L3MBTL2: variants seen among roughly 807,000 people sequenced by gnomAD.
The protein encoded by L3MBTL2 is L3MBTL histone methyl-lysine binding protein 2.
In L3MBTL2, 49 loss-of-function variants were observed where a neutral mutation model predicts 86.4. The observed-to-expected ratio is 0.57, with a 90% confidence interval of 0.45 to 0.72. The LOEUF (loss-of-function observed/expected upper bound fraction) is 0.72, where lower values mean the gene tolerates loss of function less well. Ranked by LOEUF, L3MBTL2 falls within the 30% of genes least tolerant of loss-of-function variation. The probability of loss-of-function intolerance (pLI) is 0.00; values close to 1 mark genes in which losing one functional copy is unlikely to be tolerated. For synonymous variants in L3MBTL2, 336 were observed against 350.6 expected, an observed-to-expected ratio of 0.96 and a Z score of 0.47; for missense variants, 755 against 923.7, an observed-to-expected ratio of 0.82 and a Z score of 2.37.
At position 41,227,567 on chromosome 22, in the gene L3MBTL2, G is replaced by C. The variant is rs1452287338; in HGVS notation, c.1823-237G>C. ...CTCTGTCATATGTTCGTGCCCTTGT[G>C]CACCCAGGTAAACTACCCAGGTCCC... On this transcript the variant is annotated intron_variant, in intron 14 of 16. Transcript: ENST00000216237. The surrounding 1 kb of genome is among the most constrained non-coding windows in gnomAD (Gnocchi z 6.0). The C allele has an allele frequency of 1.9e-6, 3 of 1,546,736 alleles. No individual in the cohort carries two copies. The Admixed American group carries it at 5.9e-5, about 30-fold the overall frequency.
At chr22:41,229,255 C>CA (rs1273017723) in intron 15 of L3MBTL2, among the ~76,000 whole-genome samples, 3 of 152,078 alleles carry the variant, frequency 2.0e-5, no homozygotes, top group African/African-American at 4.8e-5. Flanking sequence ...AGACCCTCTT[C>CA]AAAAAATCTT....
At chr22:41,208,138 T>C (rs1225530702) in intron 1 of L3MBTL2, among the ~76,000 whole-genome samples, 1 of 151,606 alleles carries the variant, frequency 6.6e-6, no homozygotes, top group Non-Finnish European at 1.5e-5. Flanking sequence ...AGCTTTTTTT[T>C]CTTTTTCTTT....
intron 1 of L3MBTL2, among the ~76,000 whole-genome samples, chr22:41,206,804 C>CT (rs1286424907): frequency 6.8e-6 from 1 of 148,002 alleles, no homozygotes. Flanking sequence ...GAGACTGTGT[C>CT]TCAAAAAAAA....
Position 41,224,684 on chromosome 22 carries a change from A to G in L3MBTL2, c.1175-41A>G. On this transcript the variant is annotated intron_variant, in intron 9 of 16. Coordinates refer to ENST00000216237, the MANE Select transcript of L3MBTL2 (RefSeq NM_031488.5). The surrounding 1 kb of genome is among the most constrained non-coding windows in gnomAD (Gnocchi z 4.9). ...GGAGATGGCCCAGGAGCCGCCTCCA[A>G]CTCCCTTCTCTCCCTCATTCCCTAT... The G allele has an allele frequency of 2.6e-6, 4 of 1,524,928 alleles. No homozygotes were observed. The highest frequency in any genetic ancestry group is 3.6e-6 in the Non-Finnish European group (4 of 1,099,462). The allele number at this position is 1,524,928 out of a possible 1,614,324, so 94.5% of individuals were successfully genotyped here.
chr22:41,223,399 G>A (rs1021453774), intron 8 of L3MBTL2, among the ~76,000 whole-genome samples: 4 of 152,236 alleles, frequency 2.6e-5, no homozygotes, highest in Non-Finnish European at 4.4e-5. Context: ...ATGGCTCTCT[G>A]TAGAGCAGCT....
At position 41,217,231 on chromosome 22, in the gene L3MBTL2, G is replaced by T. The variant is rs369344098; in HGVS notation, c.600+29G>T. Reference sequence around the variant, plus strand: ...AGTGCCCTGGAGCTGAGGGAGGGAGGCCGGGGAGCCGGGCCTGGAGCTGCT... The same window carrying T: ...AGTGCCCTGGAGCTGAGGGAGGGAGTCCGGGGAGCCGGGCCTGGAGCTGCT... On this transcript the variant is annotated intron_variant, in intron 5 of 16. Transcript: ENST00000216237. 20 of 1,561,448 alleles carry T rather than the reference G, an allele frequency of 1.3e-5. No individual in the cohort carries two copies. In the African/African-American group the frequency reaches 2.0e-4, roughly 16 times the overall value.
Position 41,229,663 on chromosome 22 carries a change from G to A in L3MBTL2, c.2005+7G>A. 6.2e-7 allele frequency: 1 copy of A among 1,613,282 alleles called. No individual in the cohort carries two copies. The highest frequency in any genetic ancestry group is 8.5e-7 in the Non-Finnish European group (1 of 1,180,012). On this transcript the variant is annotated splice_region_variant and intron_variant, in intron 16 of 16. Coordinates refer to ENST00000216237, the MANE Select transcript of L3MBTL2 (RefSeq NM_031488.5). ...GAGCCTGTTCCTGGCGAGAGTAAGA[G>A]CCACCGGGCTGGGTCAAGGCAGGAC...
chr22:41,207,322 C>T (rs2030314453), intron 1 of L3MBTL2, among the ~76,000 whole-genome samples: 1 of 147,030 alleles, frequency 6.8e-6, no homozygotes, highest in Non-Finnish European at 1.5e-5. Context: ...TAGCTAACTG[C>T]AGCCTTGACC....
Position 41,226,667 on chromosome 22 carries a change from G to A in L3MBTL2, c.1510G>A (p.Glu504Lys). Residue 504 changes from glutamate (E) to lysine (K), a missense_variant, in exon 13 of 17, where the codon GAG becomes AAG. Glu to Lys is a moderately conservative substitution (Grantham distance 56). Transcript: ENST00000216237. ...TGAGCTTTCTGCTCCTCCAGGTTAT[G>A]AGGCACAGACTTTCAACTGGGAGAA... Reference protein sequence around the residue: ...DIELTPPKGYEAQTFNWENYL... With the variant: ...DIELTPPKGYKAQTFNWENYL... 2.5e-6 allele frequency: 4 copies of A among 1,612,972 alleles called. No individual in the cohort carries two copies. Among genetic ancestry groups the A allele is most frequent in the Non-Finnish European group, 3.4e-6 (4 of 1,178,960 alleles).
chr22:41,208,730 A>G (rs560737707), intron 1 of L3MBTL2, among the ~76,000 whole-genome samples: 1 of 152,122 alleles, frequency 6.6e-6, no homozygotes, highest in Admixed American at 6.6e-5. Context: ...TTTGATGTAT[A>G]TTGAACGGGG....
At chr22:41,219,360 C>A in intron 5 of L3MBTL2, 59 bp from the exon 6 acceptor site, 1 of 1,297,338 alleles carries the variant, frequency 7.7e-7, no homozygotes, top group Non-Finnish European at 1.1e-6. Context: ...GTGAGGCAGT[C>A]TGTCTCCCCT....
In L3MBTL2 at chr22:41,220,726, C is replaced by A; in HGVS notation, c.719-8C>A. The stretch of plus-strand genomic sequence containing the variant: ...CTCCCTCACAGGTGCCCTTTCCTTT[C>A]CTTTCAGGGTATCGGGTGCTGCTTC... On this transcript the variant is annotated splice_region_variant and splice_polypyrimidine_tract_variant and intron_variant, in intron 6 of 16. Coordinates refer to ENST00000216237, the MANE Select transcript of L3MBTL2 (RefSeq NM_031488.5). 6.2e-7 allele frequency: 1 copy of A among 1,608,612 alleles called. No individual in the cohort carries two copies. The highest frequency in any genetic ancestry group is 8.5e-7 in the Non-Finnish European group (1 of 1,176,138).
At chr22:41,207,758 T>G (rs188898469) in intron 1 of L3MBTL2, among the ~76,000 whole-genome samples, 2 of 152,164 alleles carry the variant, frequency 1.3e-5, no homozygotes, top group African/African-American at 4.8e-5. Flanking sequence ...AGTGCAGCCT[T>G]GACCTCCCAG....
rs2032062868 is a variant in L3MBTL2 at position 41,224,693 on chromosome 22, T to G, written c.1175-32T>G. On this transcript the variant is annotated intron_variant, in intron 9 of 16. Coordinates refer to ENST00000216237, the MANE Select transcript of L3MBTL2 (RefSeq NM_031488.5). The surrounding 1 kb of genome is among the most constrained non-coding windows in gnomAD (Gnocchi z 4.9). ...CCAGGAGCCGCCTCCAACTCCCTTCTCTCCCTCATTCCCTATCCATCTCCT... is the reference window on the plus strand; with the variant it reads ...CCAGGAGCCGCCTCCAACTCCCTTCGCTCCCTCATTCCCTATCCATCTCCT... 6.4e-7 allele frequency: 1 copy of G among 1,571,496 alleles called. No individual in the cohort carries two copies. Among genetic ancestry groups the G allele is most frequent in the African/African-American group, 1.4e-5 (1 of 73,972 alleles).
At chr22:41,211,611 C>T (rs1163718522) in intron 2 of L3MBTL2, among the ~76,000 whole-genome samples, 1 of 144,618 alleles carries the variant, frequency 6.9e-6, no homozygotes, top group Non-Finnish European at 1.5e-5. Context: ...GGCTGGAATG[C>T]AGTGACATGA....
intron 1 of L3MBTL2, 168 bp from the exon 2 acceptor site, chr22:41,209,528 A>G (rs1351150047): frequency 6.3e-6 from 4 of 635,358 alleles, no homozygotes; most frequent in South Asian, 5.5e-5. Flanking sequence ...GAATTGCATC[A>G]TGGTGGAGAA....
In L3MBTL2 at chr22:41,225,923, G is replaced by A; in HGVS notation, c.1486G>A (p.Glu496Lys). The change falls in exon 12 of 17, where the codon GAG becomes AAG. Residue 496 changes from glutamate (E) to lysine (K), a missense_variant. Transcript: ENST00000216237. This position sits in a 1 kb window ranked among gnomAD's most constrained non-coding sequence, Gnocchi z 4.1. Reference protein sequence around the residue: ...PATFCQKNDIELTPPKGYEAQ... With the variant: ...PATFCQKNDIKLTPPKGYEAQ... ...CACCTTCTGTCAGAAGAATGACATT[G>A]AGCTCACACCGCCAAAAGGTAAGAC... The A allele has an allele frequency of 6.2e-7, 1 of 1,614,002 alleles. No homozygotes were observed. Among genetic ancestry groups the A allele is most frequent in the Admixed American group, 1.7e-5 (1 of 60,008 alleles).
intron 1 of L3MBTL2, 24 bp from the exon 2 acceptor site, chr22:41,209,672 C>G: frequency 6.2e-7 from 1 of 1,601,502 alleles, no homozygotes; most frequent in Non-Finnish European, 8.6e-7. Context: ...TTCTTTCTAC[C>G]TGGTTTGTGT....
intron 2 of L3MBTL2, among the ~76,000 whole-genome samples, chr22:41,213,134 G>A (rs1395745115): frequency 1.3e-5 from 2 of 151,492 alleles, no homozygotes; most frequent in Non-Finnish European, 2.9e-5. Flanking sequence ...GGAGAATGGC[G>A]TGAACCCGGG....
Sources: allele counts gnomAD v4.1 joint callset (sites outside exome capture counted in the v4.1 genomes callset), GRCh38; gene constraint gnomAD v4.1.1; non-coding constraint Gnocchi (gnomAD v3.1); transcripts MANE v1.5; gene names NCBI Gene and HGNC (gene_info 2026-07-23, HGNC 2026-07-21).